LRRN3: variants seen among roughly 807,000 people sequenced by gnomAD.
The protein encoded by LRRN3 is leucine-rich repeat neuronal protein 3.
Under a neutral mutation model 40.1 loss-of-function variants are expected in LRRN3, and 15 were observed. That is an observed-to-expected ratio of 0.37 (90% CI 0.25 to 0.58). LRRN3 has a LOEUF of 0.58. Among genes scored for constraint, LRRN3 ranks in the 20% least tolerant of loss-of-function variants. LRRN3 has a pLI of 0.72. For missense variants in LRRN3, 746 were observed against 837.7 expected (o/e 0.89, Z 1.35); for synonymous variants, 308 against 297.2 (o/e 1.04, Z -0.37).
At chr7:111,110,636 A>C (rs1198175839) in intron 2 of LRRN3, among the ~76,000 whole-genome samples, 1 of 152,232 alleles carries the variant, frequency 6.6e-6, no homozygotes, top group Non-Finnish European at 1.5e-5. Context: ...CAAACATATA[A>C]GTATAGAATA....
intron 2 of LRRN3, among the ~76,000 whole-genome samples, 182 bp downstream of exon 2, chr7:111,100,144 TC>T (rs759824841): frequency 1.5e-4 from 23 of 151,660 alleles, no homozygotes; most frequent in Non-Finnish European, 2.4e-4. Flanking sequence ...TTTTTAAATT[TC>T]AATAGCTTTT....
At position 111,099,780 on chromosome 7, in the gene LRRN3, A is replaced by C. The variant is rs529359812; in HGVS notation, c.-440-101A>C. 3.3e-5 allele frequency: 5 copies of C among 151,868 alleles called. No individual in the cohort carries two copies. The South Asian group carries it at 1.0e-3, about 31-fold the overall frequency. 9.4% of individuals were successfully genotyped at this position (151,868 alleles called of 1,614,324 possible). ...GGTGATAAAAGGTTAAAGTATTGTG[A>C]ATCATGAATAACCTAACATGTAAGA... On this transcript the variant is annotated intron_variant, in intron 1 of 2. Transcript: ENST00000308478.
intron 2 of LRRN3, among the ~76,000 whole-genome samples, chr7:111,120,263 GAAAA>G (rs1209621948): frequency 6.6e-6 from 1 of 152,086 alleles, no homozygotes; most frequent in African/African-American, 2.4e-5. Flanking sequence ...AATTTACAAA[GAAAA>G]AGAGATTTAA....
intron 2 of LRRN3, among the ~76,000 whole-genome samples, chr7:111,102,467 T>C (rs895003155): frequency 2.0e-5 from 3 of 151,604 alleles, no homozygotes; most frequent in African/African-American, 2.4e-5. Context: ...AGATTGTCAT[T>C]TTATTGACAG....
At chr7:111,114,139 C>G (rs1799562286) in intron 2 of LRRN3, among the ~76,000 whole-genome samples, 1 of 151,772 alleles carries the variant, frequency 6.6e-6, no homozygotes, top group Admixed American at 6.6e-5. Flanking sequence ...AATCTACACA[C>G]ACACACACAC....
chr7:111,121,416 C>T (rs368312336), intron 2 of LRRN3, among the ~76,000 whole-genome samples: 1 of 151,962 alleles, frequency 6.6e-6, no homozygotes, highest in Non-Finnish European at 1.5e-5. Flanking sequence ...GTGTTTTAGA[C>T]ATGGATATGA....
intron 1 of LRRN3, among the ~76,000 whole-genome samples, chr7:111,092,034 A>G (rs1796925771): frequency 6.6e-6 from 1 of 152,204 alleles, no homozygotes; most frequent in African/African-American, 2.4e-5. Context: ...GTGGATGCAA[A>G]TTAAGGCAAA....
rs141081894 is a variant in LRRN3, at chr7:111,109,778, G to C, written c.-359+9816G>C. 3.4e-3 allele frequency among the ~76,000 whole-genome samples: 511 copies of C among 152,260 alleles called. 2 individuals are homozygous for C. The highest frequency in any genetic ancestry group is 4.2e-3 in the Non-Finnish European group (288 of 68,012). On this transcript the variant is annotated intron_variant, in intron 2 of 2. Coordinates refer to ENST00000308478, the MANE Select transcript of LRRN3 (RefSeq NM_001099658.2). The stretch of plus-strand genomic sequence containing the variant: ...CAATATGACTGTGACTACTATCGCT[G>C]TTTTCATTGTTTGTTGCTATTGTTA...
Position 111,123,001 on chromosome 7 carries a change from C to A in LRRN3, c.229C>A (p.Gln77Lys). The A allele has an allele frequency of 6.2e-7, 1 of 1,613,888 alleles. No individual in the cohort carries two copies. Among genetic ancestry groups the A allele is most frequent in the East Asian group, 2.2e-5 (1 of 44,864 alleles). ...LPANTQILLL[Q>K]TNNIAKIEYS... Reference sequence around the variant, plus strand: ...AGCTAACACACAGATTCTTCTCCTACAGACTAACAATATTGCAAAAATTGA... The same window carrying A: ...AGCTAACACACAGATTCTTCTCCTAAAGACTAACAATATTGCAAAAATTGA... The change falls in exon 3 of 3, where the codon CAG becomes AAG. Residue 77 changes from glutamine to lysine, a missense_variant. Transcript: ENST00000308478. This position sits in a 1 kb window ranked among gnomAD's most constrained non-coding sequence, Gnocchi z 6.4.
intron 2 of LRRN3, among the ~76,000 whole-genome samples, chr7:111,119,525 T>C (rs1800325472): frequency 6.6e-6 from 1 of 152,222 alleles, no homozygotes; most frequent in Non-Finnish European, 1.5e-5. Flanking sequence ...AGTCTAACAT[T>C]CCTTTGTATT....
chr7:111,098,242 T>C (rs758822228), intron 1 of LRRN3, among the ~76,000 whole-genome samples: 1 of 151,844 alleles, frequency 6.6e-6, no homozygotes, highest in Non-Finnish European at 1.5e-5. Flanking sequence ...GTTCCTCTTA[T>C]TGTCATTTAT....
intron 1 of LRRN3, among the ~76,000 whole-genome samples, chr7:111,095,462 A>T (rs2129578637): frequency 6.6e-6 from 1 of 152,096 alleles, no homozygotes. Flanking sequence ...AAAGAGAAAT[A>T]TTTATTCAGA....
intron 1 of LRRN3, among the ~76,000 whole-genome samples, chr7:111,096,025 G>T (rs560891442): frequency 6.6e-6 from 1 of 151,768 alleles, no homozygotes; most frequent in African/African-American, 2.4e-5. Flanking sequence ...GTTTTTAAAT[G>T]TGCTCTCCAA....
intron 1 of LRRN3, 33 bp downstream of exon 1, chr7:111,091,537 C>T (rs934539124): frequency 2.0e-5 from 3 of 152,146 alleles, no homozygotes; most frequent in African/African-American, 7.2e-5. Flanking sequence ...TTTTAAAATA[C>T]GTTCTATTTC....
Position 111,123,134 on chromosome 7 carries a change from T to C in LRRN3, c.362T>C (p.Val121Ala), listed in dbSNP as rs376028588. 9 of 1,613,798 alleles carry C rather than the reference T, an allele frequency of 5.6e-6. No homozygotes were observed. The African/African-American group carries it at 1.2e-4, about 22-fold the overall frequency. The stretch of plus-strand genomic sequence containing the variant: ...AAAAAGATGCCTCAGCTCCTTTCTG[T>C]GTACCTAGAGGAAAACAAACTTACT... ...NVKKMPQLLS[V>A]YLEENKLTEL... Residue 121 changes from valine to alanine, a missense_variant, in exon 3 of 3, where the codon GTG (valine) becomes GCG (alanine). Physicochemically the swap from Val to Ala is moderately conservative, Grantham distance 64. Transcript: ENST00000308478. This position sits in a 1 kb window ranked among gnomAD's most constrained non-coding sequence, Gnocchi z 6.4.
Position 111,123,267 on chromosome 7 carries a change from T to G in LRRN3, c.495T>G (p.Asn165Lys). The change falls in exon 3 of 3, where the codon AAT (asparagine) becomes AAG (lysine). Residue 165 changes from asparagine to lysine, a missense_variant. Asn to Lys is a moderately conservative substitution (Grantham distance 94, BLOSUM62 0). Transcript: ENST00000308478. This position sits in a 1 kb window ranked among gnomAD's most constrained non-coding sequence, Gnocchi z 6.4. ...CTGGAGCCTTTATTGGCCTACATAA[T>G]CTTCTTCGACTTCATCTCAATTCAA... Reference protein sequence around the residue: ...ISPGAFIGLHNLLRLHLNSNR... With the variant: ...ISPGAFIGLHKLLRLHLNSNR... The G allele has an allele frequency of 6.2e-7, 1 of 1,613,862 alleles. No homozygotes were observed. Among genetic ancestry groups the G allele is most frequent in the Non-Finnish European group, 8.5e-7 (1 of 1,179,950 alleles).
At chr7:111,092,020 T>C (rs544674487) in intron 1 of LRRN3, among the ~76,000 whole-genome samples, 1 of 152,298 alleles carries the variant, frequency 6.6e-6, no homozygotes, top group African/African-American at 2.4e-5. Context: ...TTTTGTCTCA[T>C]CCAGTGGATG....
At position 111,091,402 on chromosome 7, in the gene LRRN3, T is replaced by C. The variant is rs1465388852; in HGVS notation, c.-543T>C. The C allele has an allele frequency of 6.6e-6, 1 of 152,280 alleles. No individual in the cohort carries two copies. The highest frequency in any genetic ancestry group is 6.5e-5 in the Admixed American group (1 of 15,280). 9.4% of individuals were successfully genotyped at this position (152,280 alleles called of 1,614,324 possible). On this transcript the variant is annotated 5_prime_UTR_variant, in exon 1 of 3. Coordinates refer to ENST00000308478, the MANE Select transcript of LRRN3 (RefSeq NM_001099658.2). ...ACAGACACACAAATGCACCTATTTA[T>C]ACCGGGCAAGAACACAACCATGTGA...
chr7:111,116,229 G>A (rs928606185), intron 2 of LRRN3, among the ~76,000 whole-genome samples: 7 of 152,116 alleles, frequency 4.6e-5, no homozygotes, highest in Non-Finnish European at 1.0e-4. Context: ...CACATGATTT[G>A]TTTATGATCT....
Sources: gnomAD v4.1 joint callset for allele counts (sites outside exome capture counted in the v4.1 genomes callset) on GRCh38, gnomAD v4.1.1 for gene constraint, Gnocchi (gnomAD v3.1) non-coding constraint, MANE v1.5 for transcripts, NCBI Gene and HGNC (gene_info 2026-07-23, HGNC 2026-07-21) for gene names.